Variants in PIP5K1C observed in about 807,000 individuals in gnomAD.
The protein encoded by PIP5K1C is phosphatidylinositol 4-phosphate 5-kinase type-1 gamma.
PIP5K1C carries 45 observed loss-of-function variants against 80.1 expected under a neutral mutation model. That is an observed-to-expected ratio of 0.56 (90% CI 0.44 to 0.72). PIP5K1C has a LOEUF of 0.72. Among genes scored for constraint, PIP5K1C ranks in the 30% least tolerant of loss-of-function variants. PIP5K1C has a pLI of 0.00. For missense variants in PIP5K1C, 753 were observed against 954.6 expected (o/e 0.79, Z 2.78); for synonymous variants, 498 against 420.1 (o/e 1.19, Z -2.27).
chr19:3,690,707 C>T (rs1174066058), intron 1 of PIP5K1C, among the ~76,000 whole-genome samples: 2 of 152,144 alleles, frequency 1.3e-5, no homozygotes, highest in Admixed American at 1.3e-4. Flanking sequence ...AGTACCTGCA[C>T]TTGTGTCACC....
At chr19:3,633,665 C>G (rs950444814) in intron 16 of PIP5K1C, 145 bp from the exon 17 acceptor site, 6 of 504,244 alleles carry the variant, frequency 1.2e-5, no homozygotes, top group African/African-American at 9.9e-5. Context: ...AGCCCAGCTG[C>G]CCTCTCTGAC....
rs941723534 is a variant in PIP5K1C, at chr19:3,661,144, G to T, written c.351-61C>A. The T allele has an allele frequency of 1.1e-5, 12 of 1,140,132 alleles. No individual in the cohort carries two copies. In the African/African-American group the frequency reaches 1.7e-4, roughly 16 times the overall value. The allele number at this position is 1,140,132 out of a possible 1,614,324, so 70.6% of individuals were successfully genotyped here. A position where few individuals can be genotyped will look rare whatever the true frequency, so the allele number is the denominator to read the frequency against. ...TGGTGGGCACCTCTCCCCCACCCCC[G>T]CCATGGTCCCTCCTAGTGCCTCTAG... On this transcript the variant is annotated intron_variant, in intron 4 of 17. Transcript: ENST00000335312.
At chr19:3,659,694 C>T (rs1276390323) in intron 5 of PIP5K1C, among the ~76,000 whole-genome samples, 1 of 152,108 alleles carries the variant, frequency 6.6e-6, no homozygotes, top group African/African-American at 2.4e-5. Flanking sequence ...CTCCCGGGCA[C>T]CTGAACAGGC....
chr19:3,690,106 CTT>C (rs113807797), intron 1 of PIP5K1C, among the ~76,000 whole-genome samples: 16 of 146,722 alleles, frequency 1.1e-4, no homozygotes, highest in Non-Finnish European at 9.0e-5. Flanking sequence ...AGTCTGATTA[CTT>C]TTTTTTTTTT....
At chr19:3,676,302 C>T (rs1023972347) in intron 1 of PIP5K1C, among the ~76,000 whole-genome samples, 1 of 152,184 alleles carries the variant, frequency 6.6e-6, no homozygotes, top group Non-Finnish European at 1.5e-5. Context: ...CCAAGCCCAG[C>T]GAGTCGCCGT....
rs977966764 is a variant in PIP5K1C at position 3,654,359 on chromosome 19, C to G, written c.622-770G>C. Reference sequence around the variant, plus strand: ...TCTCAATGACGAACCCAGTGGGAAGCTGCCCAGGTGTCGGGGCTGAGACAG... The same window carrying G: ...TCTCAATGACGAACCCAGTGGGAAGGTGCCCAGGTGTCGGGGCTGAGACAG... On this transcript the variant is annotated intron_variant, in intron 6 of 17. Coordinates refer to ENST00000335312, the MANE Select transcript of PIP5K1C (RefSeq NM_012398.3). Among the ~76,000 whole-genome samples, 25 of 152,256 alleles carry G rather than the reference C, an allele frequency of 1.6e-4. 1 individual carries two copies. The highest frequency in any genetic ancestry group is 4.4e-5 in the Non-Finnish European group (3 of 68,036).
At chr19:3,689,905 G>A (rs996150559) in intron 1 of PIP5K1C, among the ~76,000 whole-genome samples, 5 of 152,098 alleles carry the variant, frequency 3.3e-5, no homozygotes, top group African/African-American at 2.4e-5. Context: ...ATCTCTGTGC[G>A]GGCTGTACAG....
At chr19:3,660,926 T>G (rs1441191514) in intron 5 of PIP5K1C, 40 bp downstream of exon 5, 1 of 1,510,984 alleles carries the variant, frequency 6.6e-7, no homozygotes, top group East Asian at 2.3e-5. Context: ...GAACATGTTC[T>G]GTTTCAAGCC....
intron 1 of PIP5K1C, among the ~76,000 whole-genome samples, chr19:3,670,485 AG>A (rs995446199): frequency 2.6e-5 from 4 of 152,104 alleles, no homozygotes; most frequent in African/African-American, 9.7e-5. Flanking sequence ...AGGGGTGTGG[AG>A]CTTCTCCGAG....
intron 8 of PIP5K1C, 48 bp downstream of exon 8, chr19:3,651,778 T>A (rs752197393): frequency 1.7e-5 from 27 of 1,560,506 alleles, no homozygotes; most frequent in Non-Finnish European, 2.3e-5. Flanking sequence ...AACTGGAGCC[T>A]GTGGGGAAGG....
At chr19:3,683,501 G>A (rs2035654086) in intron 1 of PIP5K1C, among the ~76,000 whole-genome samples, 1 of 152,232 alleles carries the variant, frequency 6.6e-6, no homozygotes, top group South Asian at 2.1e-4. Flanking sequence ...CGCACCATAT[G>A]AGAACCCCAT....
At chr19:3,649,955 G>A (rs920219063) in intron 8 of PIP5K1C, 8 of 243,082 alleles carry the variant, frequency 3.3e-5, no homozygotes, top group African/African-American at 7.1e-5. Flanking sequence ...CTGGGCTGGC[G>A]CCCTGCACGC....
In PIP5K1C at chr19:3,637,733, C is replaced by A; in HGVS notation, c.1920+1151G>T. 2.0e-6 allele frequency: 3 copies of A among 1,521,950 alleles called. No individual in the cohort carries two copies. Among genetic ancestry groups the A allele is most frequent in the Non-Finnish European group, 8.8e-7 (1 of 1,140,260 alleles). The allele number at this position is 1,521,950 out of a possible 1,614,324, so 94.3% of individuals were successfully genotyped here. A position where few individuals can be genotyped will look rare whatever the true frequency, so the allele number is the denominator to read the frequency against. ...GGAGGTGGCGGGGAGCAGGTGGGGACAGCTGACTGCCAAGCAGAAGGTGGG... is the reference window on the plus strand; with the variant it reads ...GGAGGTGGCGGGGAGCAGGTGGGGAAAGCTGACTGCCAAGCAGAAGGTGGG... On this transcript the variant is annotated intron_variant, in intron 16 of 17. Coordinates refer to ENST00000335312, the MANE Select transcript of PIP5K1C (RefSeq NM_012398.3). This position sits in a 1 kb window ranked among gnomAD's most constrained non-coding sequence, Gnocchi z 7.0.
chr19:3,661,175 G>C, intron 4 of PIP5K1C, 92 bp from the exon 5 acceptor site: 1 of 841,890 alleles, frequency 1.2e-6, no homozygotes, highest in South Asian at 1.4e-5. Context: ...TCTAGCAGCT[G>C]AGCCTCTAGC....
chr19:3,667,274 C>A (rs1286826041), intron 2 of PIP5K1C, 48 bp downstream of exon 2: 8 of 1,542,194 alleles, frequency 5.2e-6, no homozygotes, highest in Non-Finnish European at 7.1e-6. Flanking sequence ...AGGGAGGCAG[C>A]AGGTCAGGGT....
intron 1 of PIP5K1C, among the ~76,000 whole-genome samples, chr19:3,669,421 G>A (rs538816271): frequency 1.3e-5 from 2 of 152,346 alleles, no homozygotes; most frequent in East Asian, 3.9e-4. Flanking sequence ...AGACAGGTGA[G>A]GAGGTGGGTG....
At chr19:3,664,317 A>C (rs2034935174) in intron 3 of PIP5K1C, among the ~76,000 whole-genome samples, 1 of 152,178 alleles carries the variant, frequency 6.6e-6, no homozygotes, top group African/African-American at 2.4e-5. Flanking sequence ...TATGTACTAA[A>C]AGTCATTTAC....
intron 1 of PIP5K1C, among the ~76,000 whole-genome samples, chr19:3,667,717 T>TC (rs888169630): frequency 2.3e-4 from 35 of 151,922 alleles, no homozygotes; most frequent in Admixed American, 9.2e-4. Context: ...GGAGCAAACC[T>TC]CCCCCGGCTC....
intron 1 of PIP5K1C, among the ~76,000 whole-genome samples, chr19:3,667,913 G>GGAGC (rs1351927927): frequency 1.3e-5 from 2 of 152,156 alleles, no homozygotes; most frequent in Non-Finnish European, 2.9e-5. Context: ...GGAGTTGCAG[G>GGAGC]GAGCGCCCAG....
Sources: gnomAD v4.1 joint callset for allele counts (sites outside exome capture counted in the v4.1 genomes callset) on GRCh38, gnomAD v4.1.1 for gene constraint, Gnocchi (gnomAD v3.1) non-coding constraint, MANE v1.5 for transcripts, NCBI Gene and HGNC (gene_info 2026-07-23, HGNC 2026-07-21) for gene names.